The following FOXN3 variants were observed in gnomAD, a reference collection of about 807,000 sequenced individuals.
FOXN3 encodes the protein forkhead box protein N3.
A neutral mutation model predicts 38.4 loss-of-function variants in FOXN3; 7 were observed. That is an observed-to-expected ratio of 0.18 (90% confidence interval 0.10 to 0.34). The LOEUF (loss-of-function observed/expected upper bound fraction) is 0.34. Among genes scored for constraint, FOXN3 ranks in the 10% least tolerant of loss-of-function variants. The pLI is 1.00. For missense variants in FOXN3, 456 were observed against 613.4 expected (o/e 0.74, Z 2.71); for synonymous variants, 230 against 242.2 (o/e 0.95, Z 0.47).
chr14:89,247,221 T>A (rs769040194), intron 4 of FOXN3, among the ~76,000 whole-genome samples: 1 of 152,174 alleles, frequency 6.6e-6, no homozygotes, highest in Non-Finnish European at 1.5e-5. Context: ...AATTGCAAAG[T>A]GTAACACAAA....
At chr14:89,365,670 G>GC (rs761059446) in intron 2 of FOXN3, among the ~76,000 whole-genome samples, 3 of 152,106 alleles carry the variant, frequency 2.0e-5, no homozygotes, top group Non-Finnish European at 4.4e-5. Flanking sequence ...TGACTAAAAA[G>GC]GGTAGAGGCA....
At chr14:89,318,371 C>A (rs1887797084) in intron 3 of FOXN3, among the ~76,000 whole-genome samples, 1 of 152,036 alleles carries the variant, frequency 6.6e-6, no homozygotes, top group Non-Finnish European at 1.5e-5. Context: ...GTTGACCAGG[C>A]TGGTCTCAAA....
At chr14:89,254,990 T>A (rs1885572596) in intron 4 of FOXN3, among the ~76,000 whole-genome samples, 1 of 152,110 alleles carries the variant, frequency 6.6e-6, no homozygotes, top group East Asian at 1.9e-4. Flanking sequence ...GAGCTTTTTT[T>A]ATTCCCCCCA....
intron 5 of FOXN3, among the ~76,000 whole-genome samples, chr14:89,179,899 T>C (rs184264538): frequency 1.1e-3 from 162 of 152,248 alleles, no homozygotes; most frequent in South Asian, 2.1e-3. Flanking sequence ...GGGGAACACA[T>C]TTGGCTCGAG....
rs1887049119 is a variant in FOXN3 at position 89,159,424 on chromosome 14, CT to C, written c.*2989del. 6.6e-6 allele frequency: 1 copy of C among 152,660 alleles called. No individual in the cohort carries two copies. Among genetic ancestry groups the C allele is most frequent in the Non-Finnish European group, 1.5e-5 (1 of 68,048 alleles). The allele number at this position is 152,660 out of a possible 1,614,324, so 9.5% of individuals were successfully genotyped here. The stretch of plus-strand genomic sequence containing the variant: ...ACTCAGGAAAATCACACTTAGAAAG[CT>C]GCCCGATGAGGTATTTATGCAAAAA... On this transcript the variant is annotated 3_prime_UTR_variant, in exon 6 of 6. Transcript: ENST00000557258.
chr14:89,427,903 A>G (rs1892074733), intron 1 of FOXN3, among the ~76,000 whole-genome samples: 1 of 152,040 alleles, frequency 6.6e-6, no homozygotes, highest in African/African-American at 2.4e-5. Context: ...AACTCTACAG[A>G]TCAGTCAGAG....
chr14:89,363,965 T>TATATATATATATATATATATATA (rs1274284888), intron 2 of FOXN3, among the ~76,000 whole-genome samples: 1 of 39,606 alleles, frequency 2.5e-5, no homozygotes, highest in African/African-American at 9.6e-5. Context: ...TATATATATA[T>TATATATATATATATATATATATA]ATATATATAT....
At chr14:89,558,784 C>T (rs1407240382) in intron 1 of FOXN3, among the ~76,000 whole-genome samples, 1 of 152,118 alleles carries the variant, frequency 6.6e-6, no homozygotes, top group Non-Finnish European at 1.5e-5. Context: ...GTTGGGTACA[C>T]CATTGCCCCA....
At chr14:89,175,476 TGA>T (rs1367515880) in intron 5 of FOXN3, among the ~76,000 whole-genome samples, 1 of 152,212 alleles carries the variant, frequency 6.6e-6, no homozygotes, top group Non-Finnish European at 1.5e-5. Flanking sequence ...GGAAGGTCTG[TGA>T]GAGACAGGCT....
chr14:89,460,502 T>A (rs1348695538), intron 1 of FOXN3, among the ~76,000 whole-genome samples: 1 of 152,318 alleles, frequency 6.6e-6, no homozygotes, highest in Non-Finnish European at 1.5e-5. Context: ...TTTGTCCCGC[T>A]TCTTGTTCCT....
chr14:89,222,259 G>A (rs1884491210), intron 4 of FOXN3, among the ~76,000 whole-genome samples: 1 of 152,200 alleles, frequency 6.6e-6, no homozygotes, highest in Non-Finnish European at 1.5e-5. Context: ...GCTCTGGACA[G>A]AGTCAACTAA....
intron 3 of FOXN3, among the ~76,000 whole-genome samples, chr14:89,308,211 C>A: frequency 6.6e-6 from 1 of 152,204 alleles, no homozygotes; most frequent in Admixed American, 6.5e-5. Flanking sequence ...CTTCAGTGAG[C>A]AGAGACTGTA....
intron 1 of FOXN3, among the ~76,000 whole-genome samples, chr14:89,456,532 T>C (rs1246786198): frequency 6.6e-6 from 1 of 152,182 alleles, no homozygotes; most frequent in African/African-American, 2.4e-5. Context: ...GGTGGCTGGA[T>C]TGCTTGAGAC....
At chr14:89,502,477 A>G (rs1893824059) in intron 1 of FOXN3, among the ~76,000 whole-genome samples, 1 of 152,242 alleles carries the variant, frequency 6.6e-6, no homozygotes, top group Non-Finnish European at 1.5e-5. Flanking sequence ...AAAAATTGAC[A>G]ACATTTGGCA....
chr14:89,463,300 C>G (rs1315021639), intron 1 of FOXN3, among the ~76,000 whole-genome samples: 4 of 151,650 alleles, frequency 2.6e-5, no homozygotes, highest in Non-Finnish European at 4.4e-5. Context: ...AGATCCACTC[C>G]CATGAGAACA....
intron 1 of FOXN3, among the ~76,000 whole-genome samples, chr14:89,434,615 T>C (rs1892235605): frequency 6.6e-6 from 1 of 152,098 alleles, no homozygotes. Context: ...TCCATCTCCA[T>C]CTCCCATCTG....
chr14:89,416,751 CG>C (rs1891743789), intron 1 of FOXN3, 119 bp downstream of exon 1: 1 of 152,184 alleles, frequency 6.6e-6, no homozygotes, highest in South Asian at 2.1e-4. Context: ...CCAGGACCTG[CG>C]GGGTCCCTCG....
chr14:89,612,492 G>A (rs1896411908), intron 1 of FOXN3, among the ~76,000 whole-genome samples: 1 of 152,162 alleles, frequency 6.6e-6, no homozygotes, highest in Non-Finnish European at 1.5e-5. Context: ...AAATTTCAGA[G>A]TGCAACAAGA....
At chr14:89,210,731 C>T (rs1249122251) in intron 4 of FOXN3, among the ~76,000 whole-genome samples, 1 of 152,182 alleles carries the variant, frequency 6.6e-6, no homozygotes, top group Non-Finnish European at 1.5e-5. Context: ...AGGACAACCT[C>T]AGCACCCAGT....
Sources: allele counts gnomAD v4.1 joint callset (sites outside exome capture counted in the v4.1 genomes callset), GRCh38; gene constraint gnomAD v4.1.1; transcripts MANE v1.5; gene names NCBI Gene and HGNC (gene_info 2026-07-23, HGNC 2026-07-21).